WWOX: variants seen among roughly 807,000 people sequenced by gnomAD.
WWOX encodes WW domain-containing oxidoreductase.
In WWOX, 69 loss-of-function variants were observed where a neutral mutation model predicts 46.2. That is an observed-to-expected ratio of 1.49 (90% CI 1.23 to 1.82). The LOEUF (loss-of-function observed/expected upper bound fraction) is 1.82, where lower values mean the gene tolerates loss of function less well. Ranked by LOEUF, WWOX falls within the 40% of genes most tolerant of loss-of-function variation. The pLI is 0.00. For missense variants in WWOX, 919 were observed against 542.6 expected, an observed-to-expected ratio of 1.69 and a Z score of -6.89; for synonymous variants, 359 against 202.6, an observed-to-expected ratio of 1.77 and a Z score of -6.56.
At chr16:78,562,613 G>C (rs1313973372) in intron 8 of WWOX, among the ~76,000 whole-genome samples, 1 of 152,176 alleles carries the variant, frequency 6.6e-6, no homozygotes, top group African/African-American at 2.4e-5. Flanking sequence ...ACTCCCATTG[G>C]AGAGGCCTGT....
chr16:78,934,988 C>T (rs927473266), intron 8 of WWOX, among the ~76,000 whole-genome samples: 1 of 152,120 alleles, frequency 6.6e-6, no homozygotes, highest in Non-Finnish European at 1.5e-5. Context: ...ATGCAGCCAA[C>T]AGACACATGA....
intron 8 of WWOX, among the ~76,000 whole-genome samples, chr16:78,443,855 C>T (rs1467214815): frequency 1.3e-5 from 2 of 152,028 alleles, no homozygotes; most frequent in Non-Finnish European, 2.9e-5. Context: ...TTCCTTTTCT[C>T]CAATTTCATA....
chr16:78,357,187 C>T (rs562201923), intron 5 of WWOX, among the ~76,000 whole-genome samples: 4 of 152,250 alleles, frequency 2.6e-5, no homozygotes, highest in East Asian at 3.9e-4. Context: ...GAGAGTACTC[C>T]TTATGAAGGG....
At chr16:78,925,586 C>T (rs1159307304) in intron 8 of WWOX, among the ~76,000 whole-genome samples, 1 of 152,218 alleles carries the variant, frequency 6.6e-6, no homozygotes, top group African/African-American at 2.4e-5. Flanking sequence ...GGTAGTATTA[C>T]AGGGAGGAGA....
chr16:78,908,366 C>A (rs1341672135), intron 8 of WWOX, among the ~76,000 whole-genome samples: 12 of 151,918 alleles, frequency 7.9e-5, no homozygotes, highest in Non-Finnish European at 1.5e-5. Context: ...GTGGTGAAAC[C>A]CCATCCCTAC....
intron 8 of WWOX, among the ~76,000 whole-genome samples, chr16:79,064,990 T>C (rs1440182295): frequency 6.6e-6 from 1 of 152,168 alleles, no homozygotes; most frequent in Non-Finnish European, 1.5e-5. Flanking sequence ...CCTGTGTGTG[T>C]GCGAAGGGTG....
At chr16:78,995,011 C>T (rs545456033) in intron 8 of WWOX, among the ~76,000 whole-genome samples, 1 of 131,824 alleles carries the variant, frequency 7.6e-6, no homozygotes, top group African/African-American at 2.9e-5. Context: ...AGCCTCTCTC[C>T]TTTCCCATTA....
intron 8 of WWOX, among the ~76,000 whole-genome samples, chr16:78,662,366 G>C (rs2047234614): frequency 6.6e-6 from 1 of 152,132 alleles, no homozygotes; most frequent in Non-Finnish European, 1.5e-5. Flanking sequence ...AGCGCAATGA[G>C]ACATCTAGTT....
rs145331738 is a variant in WWOX at position 78,965,518 on chromosome 16, C to T, written c.1057-246090C>T. 3.1e-3 allele frequency among the ~76,000 whole-genome samples: 465 copies of T among 151,214 alleles called. 1 individual carries two copies. The highest frequency in any genetic ancestry group is 3.3e-3 in the Non-Finnish European group (227 of 67,908). ...CCGGAAAGTAGCGGTTGCAGTGAGC[C>T]GAGATGGCACCATTGCACTCCAGCC... On this transcript the variant is annotated intron_variant, in intron 8 of 8. Transcript: ENST00000566780.
At chr16:78,425,082 C>T (rs746406815) in intron 7 of WWOX, 27 bp downstream of exon 7, 34 of 1,611,804 alleles carry the variant, frequency 2.1e-5, no homozygotes, top group South Asian at 3.3e-5. Context: ...TATTTGTTCA[C>T]TTATCCCCTT....
At chr16:78,985,633 G>C (rs909745509) in intron 8 of WWOX, among the ~76,000 whole-genome samples, 1 of 152,220 alleles carries the variant, frequency 6.6e-6, no homozygotes, top group African/African-American at 2.4e-5. Context: ...GCTGTGCATA[G>C]TGGTGCATGC....
chr16:79,079,351 A>G (rs987155236), intron 8 of WWOX, among the ~76,000 whole-genome samples: 2 of 150,282 alleles, frequency 1.3e-5, no homozygotes, highest in African/African-American at 2.5e-5. Flanking sequence ...TCCCCCCGAC[A>G]AAAAAAAATA....
chr16:78,112,758 GAC>G (rs1302417785), intron 3 of WWOX, among the ~76,000 whole-genome samples: 1 of 146,310 alleles, frequency 6.8e-6, no homozygotes, highest in African/African-American at 2.5e-5. Context: ...GAGGTGCAGT[GAC>G]ACAGTCACAG....
chr16:78,955,077 G>A (rs562926739), intron 8 of WWOX, among the ~76,000 whole-genome samples: 5 of 152,252 alleles, frequency 3.3e-5, no homozygotes, highest in African/African-American at 9.6e-5. Context: ...ATTCTTTCCT[G>A]ATCAGGAAAC....
chr16:78,195,756 A>G (rs945508257), intron 5 of WWOX, among the ~76,000 whole-genome samples: 14 of 133,534 alleles, frequency 1.0e-4, no homozygotes. Context: ...CTGGAGACAG[A>G]GGTTGGCGTG....
intron 8 of WWOX, among the ~76,000 whole-genome samples, chr16:78,949,771 G>C (rs750842355): frequency 6.6e-6 from 1 of 152,196 alleles, no homozygotes; most frequent in South Asian, 2.1e-4. Context: ...CCTCTTGAAG[G>C]ATTGAACGCC....
chr16:78,305,130 A>G (rs1461270811), intron 5 of WWOX, among the ~76,000 whole-genome samples: 1 of 152,178 alleles, frequency 6.6e-6, no homozygotes. Flanking sequence ...CAAGTTGTGT[A>G]AATCAAAGCT....
intron 8 of WWOX, among the ~76,000 whole-genome samples, chr16:78,844,209 C>G (rs2052237456): frequency 6.6e-6 from 1 of 152,076 alleles, no homozygotes; most frequent in East Asian, 1.9e-4. Flanking sequence ...TTTTGGAAAC[C>G]AGAGTTTAGT....
At chr16:78,131,948 A>G (rs370303232) in intron 4 of WWOX, among the ~76,000 whole-genome samples, 17 of 151,224 alleles carry the variant, frequency 1.1e-4, no homozygotes, top group African/African-American at 4.1e-4. Flanking sequence ...TAAGTTAAAA[A>G]GAACTTTTGC....
Sources: allele counts gnomAD v4.1 joint callset (sites outside exome capture counted in the v4.1 genomes callset), GRCh38; gene constraint gnomAD v4.1.1; transcripts MANE v1.5; gene names NCBI Gene and HGNC (gene_info 2026-07-23, HGNC 2026-07-21).